The following MOG variants were observed in gnomAD, a reference collection of about 807,000 sequenced individuals.
MOG encodes myelin oligodendrocyte glycoprotein.
Under a neutral mutation model 35.9 loss-of-function variants are expected in MOG, and 20 were observed. The ratio of observed to expected loss-of-function variants is 0.56; its 90% confidence interval spans 0.39 to 0.81. The LOEUF (loss-of-function observed/expected upper bound fraction) is 0.81, where lower values mean the gene tolerates loss of function less well. MOG is among the 30% of genes least tolerant of loss of function. MOG has a pLI of 0.00. For missense variants in MOG, 251 were observed against 301.0 expected (o/e 0.83, Z 1.23); for synonymous variants, 92 against 114.3 (o/e 0.80, Z 1.25).
At position 29,671,224 on chromosome 6, in the gene MOG, T is replaced by C; in HGVS notation, c.*39T>C. 1 of 1,612,726 alleles carries C rather than the reference T, an allele frequency of 6.2e-7. No homozygotes were observed. Among genetic ancestry groups the C allele is most frequent in the Non-Finnish European group, 8.5e-7 (1 of 1,180,002 alleles). The stretch of plus-strand genomic sequence containing the variant: ...TTGGCAGGGGTGGAGGAGAGCCTGG[T>C]TGCCCAGGGATTTGTCCTTGGGGAC... On this transcript the variant is annotated 3_prime_UTR_variant, in exon 8 of 8. Coordinates refer to ENST00000376917, the MANE Select transcript of MOG (RefSeq NM_206809.4).
intron 2 of MOG, among the ~76,000 whole-genome samples, chr6:29,660,844 G>T (rs992408442): frequency 6.6e-6 from 1 of 151,484 alleles, no homozygotes; most frequent in African/African-American, 2.4e-5. Context: ...GAGTAGCTGA[G>T]ATTACAGGTG....
rs1771162676 is a variant in MOG, at chr6:29,670,246, CAT to C, written c.593-34_593-33del. ...GGTGGGTGGGGCATGAGGGGGAACA[CAT>C]GTTAACCCTGTTTGTTCTGGTGAAC... On this transcript the variant is annotated intron_variant, in intron 5 of 7. Transcript: ENST00000376917. This position sits in a 1 kb window ranked among gnomAD's most constrained non-coding sequence, Gnocchi z 4.2. 23 of 1,614,194 alleles carry C rather than the reference CAT, an allele frequency of 1.4e-5. No homozygotes were observed. Among genetic ancestry groups the C allele is most frequent in the Non-Finnish European group, 1.5e-5 (18 of 1,180,040 alleles).
chr6:29,670,229 G>C lies in MOG; in HGVS notation c.593-52G>C. On this transcript the variant is annotated intron_variant, in intron 5 of 7. Coordinates refer to ENST00000376917, the MANE Select transcript of MOG (RefSeq NM_206809.4). The surrounding 1 kb of genome is among the most constrained non-coding windows in gnomAD (Gnocchi z 4.2). Reference sequence around the variant, plus strand: ...AGGAACCAAAAAAGACAGGTGGGTGGGGCATGAGGGGGAACACATGTTAAC... The same window carrying C: ...AGGAACCAAAAAAGACAGGTGGGTGCGGCATGAGGGGGAACACATGTTAAC... 6.2e-7 allele frequency: 1 copy of C among 1,614,148 alleles called. No individual in the cohort carries two copies. The highest frequency in any genetic ancestry group is 8.5e-7 in the Non-Finnish European group (1 of 1,180,034).
chr6:29,657,187 C>T lies in MOG; in HGVS notation c.-23C>T. On this transcript the variant is annotated 5_prime_UTR_variant, in exon 1 of 8. Coordinates refer to ENST00000376917, the MANE Select transcript of MOG (RefSeq NM_206809.4). ...TTGGCCTGACCTTGCTGCGGGGGCTCTCTGTCCCCAGGAACAGTAGAGATG... is the reference window on the plus strand; with the variant it reads ...TTGGCCTGACCTTGCTGCGGGGGCTTTCTGTCCCCAGGAACAGTAGAGATG... The T allele has an allele frequency of 3.2e-6, 5 of 1,573,832 alleles. No individual in the cohort carries two copies. The highest frequency in any genetic ancestry group is 4.4e-6 in the Non-Finnish European group (5 of 1,145,028).
At position 29,670,208 on chromosome 6, in the gene MOG, A is replaced by G; in HGVS notation, c.593-73A>G. ...GTGTTCTAGGACCCCAGGTTAAGGA[A>G]CCAAAAAAGACAGGTGGGTGGGGCA... On this transcript the variant is annotated intron_variant, in intron 5 of 7. Transcript: ENST00000376917. The surrounding 1 kb of genome is among the most constrained non-coding windows in gnomAD (Gnocchi z 4.2). 6.2e-7 allele frequency: 1 copy of G among 1,614,222 alleles called. No homozygotes were observed. The highest frequency in any genetic ancestry group is 1.1e-5 in the South Asian group (1 of 91,088).
Position 29,671,238 on chromosome 6 carries a change from G to T in MOG, c.*53G>T. On this transcript the variant is annotated 3_prime_UTR_variant, in exon 8 of 8. Coordinates refer to ENST00000376917, the MANE Select transcript of MOG (RefSeq NM_206809.4). ...GGAGAGCCTGGTTGCCCAGGGATTT[G>T]TCCTTGGGGACATCTCATCCATCAA... 1 of 1,612,486 alleles carries T rather than the reference G, an allele frequency of 6.2e-7. No homozygotes were observed. The highest frequency in any genetic ancestry group is 2.2e-5 in the East Asian group (1 of 44,890).
In MOG at chr6:29,670,663, C is replaced by T. The variant is rs1771279176; in HGVS notation, c.710-38C>T. 3 of 1,610,150 alleles carry T rather than the reference C, an allele frequency of 1.9e-6. No individual in the cohort carries two copies. The African/African-American group carries it at 4.0e-5, about 21-fold the overall frequency. On this transcript the variant is annotated intron_variant, in intron 6 of 7. Coordinates refer to ENST00000376917, the MANE Select transcript of MOG (RefSeq NM_206809.4). This position sits in a 1 kb window ranked among gnomAD's most constrained non-coding sequence, Gnocchi z 4.2. ...AGGATGTGGGGAAGGTGCTATTCAT[C>T]TTCCACTAATCACATATTTGTTTCT...
intron 1 of MOG, among the ~76,000 whole-genome samples, chr6:29,657,789 G>T (rs111240222): frequency 6.6e-6 from 1 of 150,838 alleles, no homozygotes; most frequent in Non-Finnish European, 1.5e-5. Flanking sequence ...GATTATGGGC[G>T]TGAGCCACTG....
At chr6:29,664,221 T>G (rs1769637044) in intron 2 of MOG, among the ~76,000 whole-genome samples, 1 of 151,948 alleles carries the variant, frequency 6.6e-6, no homozygotes, top group Non-Finnish European at 1.5e-5. Context: ...TTTATTTTTT[T>G]TTTGAGATGG....
Position 29,660,733 on chromosome 6 carries a change from C to CTTT in MOG, c.436+1076_436+1078dup, listed in dbSNP as rs559313540. 2.2e-3 allele frequency among the ~76,000 whole-genome samples: 297 copies of CTTT among 137,718 alleles called. 6 individuals are homozygous for CTTT. Among genetic ancestry groups the CTTT allele is most frequent in the Middle Eastern group, 0.014 (4 of 276 alleles). The allele number at this position is 137,718 out of a possible 152,430, so 90.3% of individuals were successfully genotyped here. A position where few individuals can be genotyped will look rare whatever the true frequency, so the allele number is the denominator to read the frequency against. On this transcript the variant is annotated intron_variant, in intron 2 of 7. Coordinates refer to ENST00000376917, the MANE Select transcript of MOG (RefSeq NM_206809.4). ...TTTTTTTTTTTCCTTTCTTTCTTTTCTTTTTTTTTTTGACACAGAGTCTCG... is the reference window on the plus strand; with the variant it reads ...TTTTTTTTTTTCCTTTCTTTCTTTTCTTTTTTTTTTTTTTGACACAGAGTCTCG...
At chr6:29,664,594 A>AC (rs56887875) in intron 2 of MOG, 13,874 of 443,174 alleles carry the variant, frequency 0.031, 570 homozygotes, top group African/African-American at 0.14. Flanking sequence ...AAGTTGATAG[A>AC]CCCATCTCAG....
At chr6:29,661,860 C>T in intron 2 of MOG, 1 of 982,526 alleles carries the variant, frequency 1.0e-6, no homozygotes, top group Non-Finnish European at 1.2e-6. Context: ...AAAAGAAAAG[C>T]AGCTAAAGAC....
rs1770937550 is a variant in MOG at position 29,669,322 on chromosome 6, T to C, written c.593-959T>C. On this transcript the variant is annotated intron_variant, in intron 5 of 7. Transcript: ENST00000376917. ...TTTCTTTCTTTCTTTTTTTTTGAGATGAAGTTTTTTTGAGATGGAGTGCAA... is the reference window on the plus strand; with the variant it reads ...TTTCTTTCTTTCTTTTTTTTTGAGACGAAGTTTTTTTGAGATGGAGTGCAA... Among the ~76,000 whole-genome samples the C allele has an allele frequency of 2.0e-5, 3 of 151,112 alleles. No individual in the cohort carries two copies. In the South Asian group the frequency reaches 6.4e-4, roughly 32 times the overall value.
rs187623994 is a variant in MOG at position 29,671,532 on chromosome 6, G to T, written c.*347G>T. On this transcript the variant is annotated 3_prime_UTR_variant, in exon 8 of 8. Coordinates refer to ENST00000376917, the MANE Select transcript of MOG (RefSeq NM_206809.4). ...GGATGGTCTCTGCCATGAACTGGAG[G>T]CCAGGAATCTCCTCACTGAAAATTA... 6.2e-6 allele frequency: 6 copies of T among 960,746 alleles called. No homozygotes were observed. In the East Asian group the frequency reaches 1.2e-4, roughly 19 times the overall value. 59.5% of individuals were successfully genotyped at this position (960,746 alleles called of 1,614,324 possible). A position where few individuals can be genotyped will look rare whatever the true frequency, so the allele number is the denominator to read the frequency against.
In MOG at chr6:29,670,199, G is replaced by C; in HGVS notation, c.593-82G>C. The C allele has an allele frequency of 6.2e-7, 1 of 1,614,164 alleles. No individual in the cohort carries two copies. The highest frequency in any genetic ancestry group is 8.5e-7 in the Non-Finnish European group (1 of 1,180,008). On this transcript the variant is annotated intron_variant, in intron 5 of 7. Coordinates refer to ENST00000376917, the MANE Select transcript of MOG (RefSeq NM_206809.4). This position sits in a 1 kb window ranked among gnomAD's most constrained non-coding sequence, Gnocchi z 4.2. ...AGTCCTTTGGTGTTCTAGGACCCCAGGTTAAGGAACCAAAAAAGACAGGTG... is the reference window on the plus strand; with the variant it reads ...AGTCCTTTGGTGTTCTAGGACCCCACGTTAAGGAACCAAAAAAGACAGGTG...
At chr6:29,669,422 C>T (rs1420936072) in intron 5 of MOG, among the ~76,000 whole-genome samples, 2 of 151,718 alleles carry the variant, frequency 1.3e-5, no homozygotes. Flanking sequence ...TCCCAAGTTG[C>T]TGGAACTACA....
In MOG at chr6:29,667,654, G is replaced by A. The variant is rs1299201808; in HGVS notation, c.562G>A (p.Ala188Thr). The change falls in exon 4 of 8, where the codon GCA (alanine) becomes ACA (threonine). Residue 188 changes from alanine to threonine, a missense_variant. By Grantham distance (58) the Ala-to-Thr change is moderately conservative. Coordinates refer to ENST00000376917, the MANE Select transcript of MOG (RefSeq NM_206809.4). The stretch of plus-strand genomic sequence containing the variant: ...TTTTTCTATTTTAGGAAAACTTCGA[G>A]CAGAGATAGGTGAGTTCCAGTCATC... ...LQYRLRGKLR[A>T]EIENLHRTFD... is the part of the protein sequence containing the mutation. The A allele has an allele frequency of 6.2e-7, 1 of 1,614,046 alleles. No homozygotes were observed. The highest frequency in any genetic ancestry group is 1.1e-5 in the South Asian group (1 of 91,066).
In MOG at chr6:29,670,174, A is replaced by G. The variant is rs1268570771; in HGVS notation, c.593-107A>G. On this transcript the variant is annotated intron_variant, in intron 5 of 7. Transcript: ENST00000376917. This position sits in a 1 kb window ranked among gnomAD's most constrained non-coding sequence, Gnocchi z 4.2. ...TGGACTTTCTGAATTTTGTCCCCAG[A>G]GTCCTTTGGTGTTCTAGGACCCCAG... The G allele has an allele frequency of 1.3e-6, 2 of 1,597,428 alleles. No homozygotes were observed. The highest frequency in any genetic ancestry group is 2.2e-5 in the East Asian group (1 of 44,830).
intron 2 of MOG, among the ~76,000 whole-genome samples, chr6:29,660,317 C>T (rs3129069): frequency 0.17 from 24,453 of 140,500 alleles, 2,387 homozygotes; most frequent in East Asian, 0.33. Context: ...GTCAGGAGAT[C>T]GAGACCATCC....
Sources: gnomAD v4.1 joint callset for allele counts (sites outside exome capture counted in the v4.1 genomes callset) on GRCh38, gnomAD v4.1.1 for gene constraint, Gnocchi (gnomAD v3.1) non-coding constraint, MANE v1.5 for transcripts, NCBI Gene and HGNC (gene_info 2026-07-23, HGNC 2026-07-21) for gene names.